Variants in FBXO25 observed in about 807,000 individuals in gnomAD.
FBXO25 encodes the protein F-box only protein 25.
Under a neutral mutation model 51.9 loss-of-function variants are expected in FBXO25, and 45 were observed. The observed-to-expected ratio is 0.87, with a 90% CI of 0.68 to 1.11. The LOEUF (loss-of-function observed/expected upper bound fraction) is 1.11. FBXO25 is among the 50% of genes most tolerant of loss of function. The pLI is 0.00. For synonymous variants in FBXO25, 199 were observed against 151.0 expected (o/e 1.32, Z -2.33); for missense variants, 507 against 428.5 (o/e 1.18, Z -1.62).
chr8:455,351 G>T (rs73669388), intron 7 of FBXO25, among the ~76,000 whole-genome samples: 1 of 152,182 alleles, frequency 6.6e-6, no homozygotes, highest in Non-Finnish European at 1.5e-5. Flanking sequence ...AGTGAAATGG[G>T]AAGAATGAAC....
At chr8:425,085 C>T (rs555092026) in intron 2 of FBXO25, among the ~76,000 whole-genome samples, 2 of 152,168 alleles carry the variant, frequency 1.3e-5, no homozygotes, top group East Asian at 3.9e-4. Context: ...TGTGACCACA[C>T]CCGGGTCAAG....
At chr8:409,369 T>G (rs1199081639) in intron 1 of FBXO25, among the ~76,000 whole-genome samples, 4 of 152,206 alleles carry the variant, frequency 2.6e-5, no homozygotes, top group African/African-American at 9.6e-5. Context: ...CATGGACTAT[T>G]TTTTTATTTC....
intron 9 of FBXO25, 25 bp downstream of exon 9, chr8:463,175 A>C: frequency 6.2e-7 from 1 of 1,600,842 alleles, no homozygotes; most frequent in Non-Finnish European, 8.5e-7. Context: ...GCACTCTTGG[A>C]ATTTCAGGAT....
chr8:451,090 G>C (rs1246715652), intron 6 of FBXO25, 179 bp from the exon 7 acceptor site: 1 of 553,832 alleles, frequency 1.8e-6, no homozygotes, highest in South Asian at 2.8e-5. Context: ...GTTCATCCAT[G>C]CTGAATATGT....
chr8:464,299 G>T (rs889945025), intron 9 of FBXO25, among the ~76,000 whole-genome samples: 2 of 152,072 alleles, frequency 1.3e-5, no homozygotes, highest in Admixed American at 6.5e-5. Context: ...TTTCACCCTG[G>T]AGTGTGTTTC....
intron 7 of FBXO25, 67 bp from the exon 8 acceptor site, chr8:458,302 C>G (rs1799585526): frequency 7.8e-6 from 12 of 1,533,904 alleles, no homozygotes; most frequent in Non-Finnish European, 1.1e-5. Flanking sequence ...CAGCTTGACT[C>G]TTCAGTTACT....
chr8:427,322 T>C (rs56426218), intron 2 of FBXO25, among the ~76,000 whole-genome samples: 14,566 of 140,644 alleles, frequency 0.1, 229 homozygotes, highest in East Asian at 0.15. Context: ...GCAACTGTGT[T>C]TGAGGATTTG....
At chr8:457,019 C>T (rs1799484470) in intron 7 of FBXO25, among the ~76,000 whole-genome samples, 1 of 151,238 alleles carries the variant, frequency 6.6e-6, no homozygotes, top group African/African-American at 2.5e-5. Context: ...GGTCACTGTG[C>T]TTTGTGTGCA....
At chr8:438,117 C>A (rs975001884) in intron 5 of FBXO25, among the ~76,000 whole-genome samples, 3 of 151,122 alleles carry the variant, frequency 2.0e-5, no homozygotes, top group Non-Finnish European at 4.4e-5. Context: ...TGCAGTGGCA[C>A]GATCTCTGCT....
intron 2 of FBXO25, among the ~76,000 whole-genome samples, chr8:418,203 C>T (rs1796926508): frequency 1.3e-5 from 2 of 152,072 alleles, no homozygotes; most frequent in Admixed American, 6.6e-5. Context: ...GTTTTGGGGA[C>T]AGTGCACAAG....
At chr8:445,846 G>T (rs1363695520) in intron 5 of FBXO25, among the ~76,000 whole-genome samples, 1 of 152,210 alleles carries the variant, frequency 6.6e-6, no homozygotes, top group African/African-American at 2.4e-5. Flanking sequence ...ACTCCAGCCT[G>T]GGGGACAAGA....
chr8:459,613 G>T (rs974371700), intron 8 of FBXO25, among the ~76,000 whole-genome samples: 1 of 152,220 alleles, frequency 6.6e-6, no homozygotes, highest in African/African-American at 2.4e-5. Flanking sequence ...GTGCACAAGG[G>T]CAACAGGGAA....
At chr8:467,932 T>C in intron 9 of FBXO25, 1 of 1,436,396 alleles carries the variant, frequency 7.0e-7, no homozygotes, top group South Asian at 1.5e-5. Flanking sequence ...GACGAGAGTG[T>C]TGATGAAATA....
intron 9 of FBXO25, chr8:468,318 A>T: frequency 9.9e-7 from 1 of 1,007,090 alleles, no homozygotes; most frequent in Non-Finnish European, 1.2e-6. Context: ...CTGTGTAACA[A>T]AGTGAGCCAG....
At position 475,544 on chromosome 8, in the gene FBXO25, C is replaced by G. The variant is rs1259079322; in HGVS notation, c.*6740C>G. ...TATGGACATCTTAAGGTATCCAATC[C>G]ATAAACACGGGATTGCTTTCTATTT... On this transcript the variant is annotated 3_prime_UTR_variant, in exon 10 of 10. Coordinates refer to ENST00000350302, the MANE Select transcript of FBXO25 (RefSeq NM_183420.2). 6.6e-6 allele frequency: 1 copy of G among 152,094 alleles called. No individual in the cohort carries two copies. The allele number at this position is 152,094 out of a possible 1,614,324, so 9.4% of individuals were successfully genotyped here.
intron 2 of FBXO25, among the ~76,000 whole-genome samples, chr8:429,125 C>A (rs1326027067): frequency 2.6e-5 from 4 of 152,170 alleles, no homozygotes; most frequent in Non-Finnish European, 5.9e-5. Flanking sequence ...ATACTGTTTC[C>A]TATAGTAGCT....
chr8:426,440 G>C (rs998661460), intron 2 of FBXO25, among the ~76,000 whole-genome samples: 7 of 151,954 alleles, frequency 4.6e-5, no homozygotes, highest in African/African-American at 1.7e-4. Flanking sequence ...TGATTTTACA[G>C]ACATGCATTC....
At chr8:419,345 G>A (rs1193418952) in intron 2 of FBXO25, among the ~76,000 whole-genome samples, 1 of 152,048 alleles carries the variant, frequency 6.6e-6, no homozygotes, top group Non-Finnish European at 1.5e-5. Flanking sequence ...CTCCAGCCTG[G>A]GCAACAAGAG....
intron 4 of FBXO25, among the ~76,000 whole-genome samples, chr8:433,636 G>A (rs1436612031): frequency 6.6e-6 from 1 of 152,176 alleles, no homozygotes; most frequent in African/African-American, 2.4e-5. Flanking sequence ...TTCTTTACTA[G>A]GATCCGGGAA....
Sources: gnomAD v4.1 joint callset for allele counts (sites outside exome capture counted in the v4.1 genomes callset) on GRCh38, gnomAD v4.1.1 for gene constraint, MANE v1.5 for transcripts, NCBI Gene and HGNC (gene_info 2026-07-23, HGNC 2026-07-21) for gene names.